Variants in KCNIP4 observed in about 807,000 individuals in gnomAD.
KCNIP4 encodes the protein Kv channel-interacting protein 4.
Under a neutral mutation model 34.0 loss-of-function variants are expected in KCNIP4, and 12 were observed. The observed-to-expected ratio is 0.35, with a 90% CI of 0.23 to 0.57. The LOEUF (loss-of-function observed/expected upper bound fraction) is 0.57. Among genes scored for constraint, KCNIP4 ranks in the 20% least tolerant of loss-of-function variants. The pLI, the probability that KCNIP4 is intolerant of heterozygous loss-of-function variation, is 0.83. For synonymous variants in KCNIP4, 124 were observed against 102.2 expected, an observed-to-expected ratio of 1.21 and a Z score of -1.29; for missense variants, 238 against 311.7, an observed-to-expected ratio of 0.76 and a Z score of 1.78.
chr4:21,544,818 G>A (rs1317288152), intron 1 of KCNIP4, among the ~76,000 whole-genome samples: 1 of 152,118 alleles, frequency 6.6e-6, no homozygotes, highest in Non-Finnish European at 1.5e-5. Flanking sequence ...TGCCCATGGA[G>A]TAGCCATTCT....
At chr4:20,754,174 C>T (rs57651741) in intron 4 of KCNIP4, among the ~76,000 whole-genome samples, 18,342 of 152,104 alleles carry the variant, frequency 0.12, 1,264 homozygotes, top group South Asian at 0.19. Context: ...CATACTTTAT[C>T]CCCTGCCAAC....
At chr4:21,582,456 C>T (rs1004990241) in intron 1 of KCNIP4, 1 of 151,824 alleles carries the variant, frequency 6.6e-6, no homozygotes, top group African/African-American at 2.4e-5. Flanking sequence ...ACCTAATTTT[C>T]TGATTCAATA....
chr4:21,244,455 A>G (rs987154498), intron 1 of KCNIP4, among the ~76,000 whole-genome samples: 3 of 152,228 alleles, frequency 2.0e-5, no homozygotes, highest in Non-Finnish European at 2.9e-5. Context: ...ATGCTATATT[A>G]CAATCACAGA....
intron 1 of KCNIP4, among the ~76,000 whole-genome samples, chr4:21,087,264 CCT>C (rs1746553150): frequency 1.3e-5 from 2 of 151,502 alleles, no homozygotes; most frequent in African/African-American, 4.9e-5. Context: ...GCAACCTCCA[CCT>C]CTTCAGTTCA....
intron 1 of KCNIP4, among the ~76,000 whole-genome samples, chr4:21,892,214 T>C (rs994369773): frequency 6.6e-6 from 1 of 152,030 alleles, no homozygotes; most frequent in Admixed American, 6.6e-5. Context: ...AAATTAACTA[T>C]TGCTACATAA....
At chr4:21,452,489 G>A (rs537500943) in intron 1 of KCNIP4, among the ~76,000 whole-genome samples, 1 of 152,086 alleles carries the variant, frequency 6.6e-6, no homozygotes, top group Admixed American at 6.6e-5. Context: ...CCAACTACAT[G>A]GCTTCAGATG....
At chr4:20,900,184 A>G (rs1177671586) in intron 1 of KCNIP4, among the ~76,000 whole-genome samples, 1 of 152,154 alleles carries the variant, frequency 6.6e-6, no homozygotes, top group East Asian at 1.9e-4. Flanking sequence ...AATGAAATGG[A>G]ATATAGGGCT....
At chr4:21,093,895 A>C (rs752701382) in intron 1 of KCNIP4, among the ~76,000 whole-genome samples, 31 of 152,230 alleles carry the variant, frequency 2.0e-4, no homozygotes, top group Non-Finnish European at 1.2e-4. Context: ...ATCCTGACTA[A>C]CACGGTTAAA....
At chr4:20,800,912 G>A (rs965557942) in intron 3 of KCNIP4, among the ~76,000 whole-genome samples, 1 of 152,118 alleles carries the variant, frequency 6.6e-6, no homozygotes, top group Admixed American at 6.5e-5. Flanking sequence ...GAGAGATATG[G>A]ACATTCAGAT....
At chr4:21,306,688 G>A (rs966744216) in intron 1 of KCNIP4, among the ~76,000 whole-genome samples, 1 of 152,182 alleles carries the variant, frequency 6.6e-6, no homozygotes, top group Non-Finnish European at 1.5e-5. Flanking sequence ...ACTCAAAAGG[G>A]AGTTGTTTTT....
At chr4:21,890,174 T>C (rs1211819095) in intron 1 of KCNIP4, among the ~76,000 whole-genome samples, 3 of 152,134 alleles carry the variant, frequency 2.0e-5, no homozygotes, top group Non-Finnish European at 4.4e-5. Flanking sequence ...CAGACGCAAA[T>C]GATAGTTAAC....
At chr4:21,269,631 G>T (rs2109129515) in intron 1 of KCNIP4, among the ~76,000 whole-genome samples, 2 of 152,214 alleles carry the variant, frequency 1.3e-5, no homozygotes, top group Middle Eastern at 6.8e-3. Flanking sequence ...CTGAGCTCAA[G>T]CAATCCTCCC....
At chr4:21,502,162 T>C (rs1733421804) in intron 1 of KCNIP4, among the ~76,000 whole-genome samples, 1 of 152,068 alleles carries the variant, frequency 6.6e-6, no homozygotes, top group African/African-American at 2.4e-5. Flanking sequence ...TTATAAAAAT[T>C]GTAATATCTT....
chr4:21,639,367 C>A (rs146823966), intron 1 of KCNIP4, among the ~76,000 whole-genome samples: 1 of 151,990 alleles, frequency 6.6e-6, no homozygotes, highest in Non-Finnish European at 1.5e-5. Flanking sequence ...CAAAAAGACA[C>A]GAAATACCTA....
chr4:21,944,252 AAGG>A (rs1730364278), intron 1 of KCNIP4, among the ~76,000 whole-genome samples: 1 of 152,198 alleles, frequency 6.6e-6, no homozygotes, highest in Non-Finnish European at 1.5e-5. Context: ...AGTGTCATAA[AAGG>A]AGATCTGGCT....
chr4:21,429,436 C>T (rs1435726070), intron 1 of KCNIP4, among the ~76,000 whole-genome samples: 2 of 149,788 alleles, frequency 1.3e-5, no homozygotes, highest in African/African-American at 4.9e-5. Context: ...CATAAAGCTG[C>T]CATACACACT....
chr4:21,209,947 G>T (rs976509386), intron 1 of KCNIP4, among the ~76,000 whole-genome samples: 3 of 152,074 alleles, frequency 2.0e-5, no homozygotes, highest in Non-Finnish European at 4.4e-5. Context: ...ACAGAGCATT[G>T]TTCATGCTCA....
intron 1 of KCNIP4, chr4:21,851,336 C>T (rs531789558): frequency 6.6e-6 from 1 of 152,102 alleles, no homozygotes; most frequent in Non-Finnish European, 1.5e-5. Context: ...ATAATGTATA[C>T]AGGGGAGCTA....
At chr4:20,843,030 C>T (rs190960304) in intron 3 of KCNIP4, among the ~76,000 whole-genome samples, 11 of 152,004 alleles carry the variant, frequency 7.2e-5, no homozygotes, top group Non-Finnish European at 1.6e-4. Flanking sequence ...GCCTCAGCCT[C>T]CCAAGTAGCT....
Sources: allele counts gnomAD v4.1 joint callset (sites outside exome capture counted in the v4.1 genomes callset), GRCh38; gene constraint gnomAD v4.1.1; transcripts MANE v1.5; gene names NCBI Gene and HGNC (gene_info 2026-07-23, HGNC 2026-07-21).